LUZP2: variants seen among roughly 807,000 people sequenced by gnomAD.
The protein encoded by LUZP2 is leucine zipper protein 2.
A neutral mutation model predicts 51.6 loss-of-function variants in LUZP2; 52 were observed. The ratio of observed to expected loss-of-function variants is 1.01; its 90% CI spans 0.81 to 1.27. The LOEUF (loss-of-function observed/expected upper bound fraction) is 1.27, where lower values mean the gene tolerates loss of function less well. Ranked by LOEUF, LUZP2 falls within the 50% of genes most tolerant of loss-of-function variation. The probability of loss-of-function intolerance (pLI) is 0.00; values close to 1 mark genes in which losing one functional copy is unlikely to be tolerated. For synonymous variants in LUZP2, 154 were observed against 137.3 expected, an observed-to-expected ratio of 1.12 and a Z score of -0.85; for missense variants, 436 against 395.4, an observed-to-expected ratio of 1.10 and a Z score of -0.87.
intron 5 of LUZP2, among the ~76,000 whole-genome samples, chr11:24,769,592 C>T (rs1279445428): frequency 6.6e-6 from 1 of 151,626 alleles, no homozygotes; most frequent in Non-Finnish European, 1.5e-5. Context: ...ATGAAAAACA[C>T]ATTCTGTCTT....
chr11:24,598,009 G>A (rs1229451915), intron 1 of LUZP2, among the ~76,000 whole-genome samples: 2 of 151,816 alleles, frequency 1.3e-5, no homozygotes, highest in South Asian at 2.1e-4. Flanking sequence ...GCTGAGGCAG[G>A]AGAATCGCTT....
intron 5 of LUZP2, among the ~76,000 whole-genome samples, chr11:24,767,226 T>C (rs1860226015): frequency 6.6e-6 from 1 of 152,216 alleles, no homozygotes; most frequent in Admixed American, 6.5e-5. Context: ...GACTCATAAT[T>C]CATATATCAG....
At chr11:24,609,694 C>T (rs1160094806) in intron 1 of LUZP2, among the ~76,000 whole-genome samples, 1 of 135,066 alleles carries the variant, frequency 7.4e-6, no homozygotes, top group Non-Finnish European at 1.5e-5. Context: ...CACACCACTG[C>T]ACTCCAGCCT....
In LUZP2 at chr11:24,713,683, G is replaced by GTCTT. The variant is rs1554978134; in HGVS notation, c.63-15485_63-15484insCTTT. ...ATCCTGGATAACAGAGTGAGAATCT[G>GTCTT]TTTTTTTTTTTTTTTTTTTTTCTGA... is the stretch of plus-strand genomic sequence containing the variant. On this transcript the variant is annotated intron_variant, in intron 1 of 11. Transcript: ENST00000336930. 4.4e-3 allele frequency among the ~76,000 whole-genome samples: 392 copies of GTCTT among 89,690 alleles called. 4 individuals are homozygous for GTCTT. Among genetic ancestry groups the GTCTT allele is most frequent in the African/African-American group, 0.017 (371 of 21,864 alleles). 58.8% of individuals were successfully genotyped at this position (89,690 alleles called of 152,430 possible).
At chr11:24,535,727 C>CTA (rs1458762029) in intron 1 of LUZP2, among the ~76,000 whole-genome samples, 6 of 110,762 alleles carry the variant, frequency 5.4e-5, no homozygotes, top group African/African-American at 1.3e-4. Context: ...GGAATAAACT[C>CTA]CCAAACTCCT....
intron 5 of LUZP2, among the ~76,000 whole-genome samples, chr11:24,820,789 C>G (rs973054460): frequency 9.9e-5 from 15 of 152,056 alleles, no homozygotes; most frequent in African/African-American, 3.6e-4. Flanking sequence ...TAAGATGAGC[C>G]AGGCTGATGA....
chr11:24,703,311 A>G (rs4604884), intron 1 of LUZP2, among the ~76,000 whole-genome samples: 66,173 of 152,000 alleles, frequency 0.44, 14,563 homozygotes, highest in East Asian at 0.59. Flanking sequence ...AAGTCTGTGC[A>G]TATATTATGG....
At chr11:24,651,899 A>G (rs1855634444) in intron 1 of LUZP2, among the ~76,000 whole-genome samples, 1 of 152,064 alleles carries the variant, frequency 6.6e-6, no homozygotes, top group Non-Finnish European at 1.5e-5. Flanking sequence ...CCTACAGTCT[A>G]CCTTGTGAAT....
intron 9 of LUZP2, among the ~76,000 whole-genome samples, chr11:25,011,053 A>T (rs1213180271): frequency 6.6e-6 from 1 of 152,094 alleles, no homozygotes; most frequent in East Asian, 1.9e-4. Context: ...TCCAATATTG[A>T]TGTCATCAAA....
At chr11:24,991,394 GTGTATATA>G (rs1362115207) in intron 9 of LUZP2, among the ~76,000 whole-genome samples, 2 of 109,372 alleles carry the variant, frequency 1.8e-5, no homozygotes, top group African/African-American at 7.0e-5. Flanking sequence ...GTGTGTGTGT[GTGTATATA>G]TATATATATA....
intron 1 of LUZP2, among the ~76,000 whole-genome samples, chr11:24,701,769 TACA>T (rs765811475): frequency 2.0e-5 from 3 of 152,146 alleles, no homozygotes; most frequent in Non-Finnish European, 2.9e-5. Context: ...TATTTTTTGG[TACA>T]ACCAGAAAAA....
intron 5 of LUZP2, among the ~76,000 whole-genome samples, chr11:24,848,359 A>G (rs775021679): frequency 6.6e-6 from 1 of 151,994 alleles, no homozygotes; most frequent in Non-Finnish European, 1.5e-5. Context: ...TCTTCACTAC[A>G]TTTATTTGTT....
rs139194958 is a variant in LUZP2 at position 24,907,123 on chromosome 11, G to A, written c.459+1070G>A. Among the ~76,000 whole-genome samples the A allele has an allele frequency of 1.6e-3, 239 of 152,140 alleles. 4 individuals carry two copies. In the East Asian group the frequency reaches 0.036, roughly 23 times the overall value. Reference sequence around the variant, plus strand: ...TTCTCAGGAGTCCACCCAGGAAATAGTCTCTTCTATCTCATTGTACCCTAT... The same window carrying A: ...TTCTCAGGAGTCCACCCAGGAAATAATCTCTTCTATCTCATTGTACCCTAT... On this transcript the variant is annotated intron_variant, in intron 6 of 11. Transcript: ENST00000336930.
At chr11:24,649,508 A>G (rs531238678) in intron 1 of LUZP2, among the ~76,000 whole-genome samples, 2 of 152,000 alleles carry the variant, frequency 1.3e-5, no homozygotes, top group African/African-American at 4.8e-5. Context: ...ATTTTAAGTC[A>G]TTTTCTTTTT....
chr11:24,641,992 C>T (rs1391041987), intron 1 of LUZP2, among the ~76,000 whole-genome samples: 1 of 151,834 alleles, frequency 6.6e-6, no homozygotes, highest in Non-Finnish European at 1.5e-5. Context: ...CTCCCTCAAG[C>T]GATTCTCCTG....
At chr11:24,984,149 T>G (rs1856120599) in intron 9 of LUZP2, among the ~76,000 whole-genome samples, 1 of 151,350 alleles carries the variant, frequency 6.6e-6, no homozygotes, top group Non-Finnish European at 1.5e-5. Flanking sequence ...ATGAGTGCTA[T>G]GGATACCAGC....
At chr11:24,672,532 A>T (rs1856431056) in intron 1 of LUZP2, among the ~76,000 whole-genome samples, 1 of 152,204 alleles carries the variant, frequency 6.6e-6, no homozygotes, top group South Asian at 2.1e-4. Flanking sequence ...GATGAAGCGC[A>T]TTCTCCAAGA....
At chr11:24,685,143 T>C (rs532202221) in intron 1 of LUZP2, among the ~76,000 whole-genome samples, 1 of 152,176 alleles carries the variant, frequency 6.6e-6, no homozygotes, top group South Asian at 2.1e-4. Context: ...TCTCCTAGGA[T>C]CCTGGCCTCT....
chr11:24,986,442 A>G (rs1299741312), intron 9 of LUZP2, among the ~76,000 whole-genome samples: 2 of 151,412 alleles, frequency 1.3e-5, no homozygotes, highest in African/African-American at 4.8e-5. Context: ...ACATCATGTT[A>G]TCAGATTGAA....
Sources: gnomAD v4.1 joint callset for allele counts (sites outside exome capture counted in the v4.1 genomes callset) on GRCh38, gnomAD v4.1.1 for gene constraint, MANE v1.5 for transcripts, NCBI Gene and HGNC (gene_info 2026-07-23, HGNC 2026-07-21) for gene names.